The following SFMBT2 variants were observed in gnomAD, a reference collection of about 807,000 sequenced individuals.
SFMBT2 encodes scm-like with four MBT domains protein 2.
SFMBT2 carries 38 observed loss-of-function variants against 110.1 expected under a neutral mutation model. The ratio of observed to expected loss-of-function variants is 0.35; its 90% CI spans 0.27 to 0.45. The LOEUF is 0.45. Ranked by LOEUF, SFMBT2 falls within the 20% of genes least tolerant of loss-of-function variation. The pLI is 1.00. For synonymous variants in SFMBT2, 425 were observed against 425.4 expected (o/e 1.00, Z 0.01); for missense variants, 1,011 against 1,094.9 (o/e 0.92, Z 1.08).
At chr10:7,272,524 C>T (rs1383261139) in intron 7 of SFMBT2, among the ~76,000 whole-genome samples, 2 of 152,002 alleles carry the variant, frequency 1.3e-5, no homozygotes, top group Non-Finnish European at 2.9e-5. Context: ...GAAGCAGAGG[C>T]AGTTAGACGC....
At chr10:7,393,027 ATATATATAAT>A (rs1845822740) in intron 1 of SFMBT2, among the ~76,000 whole-genome samples, 5 of 52,480 alleles carry the variant, frequency 9.5e-5, no homozygotes, top group Middle Eastern at 0.011. Context: ...ATATATATAT[ATATATATAAT>A]TTTTTTTTTT....
chr10:7,243,635 A>G lies in SFMBT2; in HGVS notation c.1043T>C (p.Leu348Pro), dbSNP rs757122763. 1.1e-6 allele frequency: 1 copy of G among 872,974 alleles called. No homozygotes were observed. The highest frequency in any genetic ancestry group is 2.0e-6 in the Non-Finnish European group (1 of 501,666). 54.1% of individuals were successfully genotyped at this position (872,974 alleles called of 1,614,324 possible). Residue 348 changes from leucine to proline, a missense_variant, in exon 9 of 21, where the codon CTG (leucine) becomes CCG (proline). Physicochemically the swap from Leu to Pro is moderately conservative, Grantham distance 98. Around this residue, in one of 2 missense-constraint regions of SFMBT2, gnomAD observed 979 missense variants for 1,016.1 expected, o/e 0.96. Coordinates refer to ENST00000397167, the MANE Select transcript of SFMBT2 (RefSeq NM_001387889.1). ...LRPEPSKLSM[L>P]CHADSLGILP... ...AATCCCCAAAGAATCTGCATGGCAC[A>G]GCATTGACAGTTTACTTGGTTCAGG...
chr10:7,275,582 G>A (rs573485431), intron 7 of SFMBT2, among the ~76,000 whole-genome samples: 25 of 152,194 alleles, frequency 1.6e-4, no homozygotes, highest in African/African-American at 5.5e-4. Context: ...CACAACTGTC[G>A]GCTTCACTGT....
intron 4 of SFMBT2, among the ~76,000 whole-genome samples, chr10:7,336,318 C>A (rs17426306): frequency 0.045 from 6,782 of 152,292 alleles, 205 homozygotes; most frequent in Non-Finnish European, 0.071. Flanking sequence ...CCACAGCTGA[C>A]CGCAAAATTT....
intron 20 of SFMBT2, among the ~76,000 whole-genome samples, chr10:7,166,081 T>C (rs1184608752): frequency 6.6e-6 from 1 of 152,262 alleles, no homozygotes; most frequent in African/African-American, 2.4e-5. Context: ...TGATGTTCTA[T>C]TCTGTTCTGT....
chr10:7,381,975 TCAGAG>T (rs1191684804), intron 1 of SFMBT2, 26 bp from the exon 2 acceptor site: 5 of 1,342,798 alleles, frequency 3.7e-6, no homozygotes, highest in Non-Finnish European at 5.0e-6. Flanking sequence ...AAAAAAAAAA[TCAGAG>T]CAGTTTAATC....
chr10:7,214,259 G>A (rs1839456107), intron 11 of SFMBT2, among the ~76,000 whole-genome samples: 12 of 152,186 alleles, frequency 7.9e-5, no homozygotes, highest in Admixed American at 7.9e-4. Context: ...AAGAACACAG[G>A]CCACTGCAGC....
chr10:7,163,633 G>C lies in SFMBT2; in HGVS notation c.*137C>G, dbSNP rs887423470. 1 of 748,150 alleles carries C rather than the reference G, an allele frequency of 1.3e-6. No individual in the cohort carries two copies. Among genetic ancestry groups the C allele is most frequent in the Non-Finnish European group, 2.1e-6 (1 of 466,596 alleles). 46.3% of individuals were successfully genotyped at this position (748,150 alleles called of 1,614,324 possible). Reference sequence around the variant, plus strand: ...AGCTCACAGGCTGGCGGAGGCAGAAGATCCTGGGCTTCTGGTTTTCTGGTG... The same window carrying C: ...AGCTCACAGGCTGGCGGAGGCAGAACATCCTGGGCTTCTGGTTTTCTGGTG... On this transcript the variant is annotated 3_prime_UTR_variant, in exon 21 of 21. Transcript: ENST00000397167. This position sits in a 1 kb window ranked among gnomAD's most constrained non-coding sequence, Gnocchi z 4.8.
At position 7,293,058 on chromosome 10, in the gene SFMBT2, C is replaced by G. The variant is rs1472897522; in HGVS notation, c.437-7104G>C. On this transcript the variant is annotated intron_variant, in intron 4 of 20. Coordinates refer to ENST00000397167, the MANE Select transcript of SFMBT2 (RefSeq NM_001387889.1). This position sits in a 1 kb window ranked among gnomAD's most constrained non-coding sequence, Gnocchi z 4.6. ...GGAAGCAAATGACACAGCCCTATCACAGTGATGACATTAGGGTGAAAGGAG... is the reference window on the plus strand; with the variant it reads ...GGAAGCAAATGACACAGCCCTATCAGAGTGATGACATTAGGGTGAAAGGAG... Among the ~76,000 whole-genome samples, 3 of 152,160 alleles carry G rather than the reference C, an allele frequency of 2.0e-5. No individual in the cohort carries two copies. Among genetic ancestry groups the G allele is most frequent in the Non-Finnish European group, 4.4e-5 (3 of 68,022 alleles).
chr10:7,301,391 A>C lies in SFMBT2; in HGVS notation c.437-15437T>G, dbSNP rs987509770. 6.6e-6 allele frequency among the ~76,000 whole-genome samples: 1 copy of C among 152,196 alleles called. No homozygotes were observed. Among genetic ancestry groups the C allele is most frequent in the African/African-American group, 2.4e-5 (1 of 41,448 alleles). On this transcript the variant is annotated intron_variant, in intron 4 of 20. Transcript: ENST00000397167. The surrounding 1 kb of genome is among the most constrained non-coding windows in gnomAD (Gnocchi z 4.2). ...GGTCAAGCAGCTCTTCCAATCATCA[A>C]GTGAGGAATGAAGAAAGCCCGAACT...
rs1295567856 is a variant in SFMBT2, at chr10:7,200,419, G to A, written c.1553C>T (p.Thr518Ile). The A allele has an allele frequency of 3.1e-6, 5 of 1,596,582 alleles. No individual in the cohort carries two copies. ...HDLCLFPHLD[T>I]TGTVNGKYCC... is the part of the protein sequence containing the mutation. ...CCCTAAATGGGACTGATTACCTGTG[G>A]TGTCCAGGTGAGGGAATAAACAAAG... The change falls in exon 14 of 21, where the codon ACC becomes ATC. Residue 518 changes from threonine (T) to isoleucine (I), a missense_variant. Transcript: ENST00000397167.
At chr10:7,318,206 T>C (rs1202988964) in intron 4 of SFMBT2, among the ~76,000 whole-genome samples, 1 of 152,218 alleles carries the variant, frequency 6.6e-6, no homozygotes, top group Non-Finnish European at 1.5e-5. Context: ...TTCTTGCCTG[T>C]TCTCACTGAT....
intron 4 of SFMBT2, among the ~76,000 whole-genome samples, chr10:7,359,537 G>C (rs1345293443): frequency 2.0e-5 from 3 of 152,222 alleles, no homozygotes; most frequent in Non-Finnish European, 4.4e-5. Flanking sequence ...GGGTTGAGAA[G>C]CAGGAGAAAA....
intron 3 of SFMBT2, among the ~76,000 whole-genome samples, chr10:7,369,358 A>G (rs1844999766): frequency 6.6e-6 from 1 of 152,226 alleles, no homozygotes; most frequent in Admixed American, 6.5e-5. Context: ...AACAAAAATT[A>G]AAGACTAAAT....
chr10:7,374,244 A>G (rs956591973), intron 2 of SFMBT2, among the ~76,000 whole-genome samples: 2 of 152,214 alleles, frequency 1.3e-5, no homozygotes, highest in Admixed American at 6.5e-5. Context: ...ACTGGGTCAC[A>G]GAGCGAGACT....
chr10:7,377,474 T>C (rs1202337621), intron 2 of SFMBT2, among the ~76,000 whole-genome samples: 2 of 152,174 alleles, frequency 1.3e-5, no homozygotes, highest in Non-Finnish European at 2.9e-5. Context: ...TATTACATTG[T>C]ACTATATAAT....
intron 6 of SFMBT2, among the ~76,000 whole-genome samples, chr10:7,279,013 A>G (rs1327260900): frequency 6.6e-6 from 1 of 151,820 alleles, no homozygotes; most frequent in East Asian, 1.9e-4. Flanking sequence ...AGGCAGGAGA[A>G]TCGCTTGAAC....
intron 6 of SFMBT2, among the ~76,000 whole-genome samples, chr10:7,278,779 G>A (rs79365020): frequency 0.013 from 1,951 of 152,234 alleles, 14 homozygotes; most frequent in Non-Finnish European, 0.018. Context: ...CTGAATGGGG[G>A]AGGGATGCCC....
At chr10:7,174,861 C>G (rs949163187) in intron 17 of SFMBT2, among the ~76,000 whole-genome samples, 1 of 152,216 alleles carries the variant, frequency 6.6e-6, no homozygotes, top group Non-Finnish European at 1.5e-5. Context: ...CTGAGAGGCC[C>G]TGTGCACAGA....
Sources: gnomAD v4.1 joint callset for allele counts (sites outside exome capture counted in the v4.1 genomes callset) on GRCh38, gnomAD v4.1.1 for gene constraint, gnomAD v4.1.1 regional missense constraint, Gnocchi (gnomAD v3.1) non-coding constraint, MANE v1.5 for transcripts, NCBI Gene and HGNC (gene_info 2026-07-23, HGNC 2026-07-21) for gene names.